NRG3: variants seen among roughly 807,000 people sequenced by gnomAD.
NRG3 encodes the protein pro-neuregulin-3, membrane-bound isoform.
In NRG3, 31 loss-of-function variants were observed where a neutral mutation model predicts 66.9. The ratio of observed to expected loss-of-function variants is 0.46; its 90% CI spans 0.35 to 0.63. NRG3 has a LOEUF of 0.63. Among genes scored for constraint, NRG3 ranks in the 20% least tolerant of loss-of-function variants. The pLI, the probability that NRG3 is intolerant of heterozygous loss-of-function variation, is 0.00. For missense variants in NRG3, 910 were observed against 878.9 expected (o/e 1.04, Z -0.45); for synonymous variants, 393 against 359.4 (o/e 1.09, Z -1.06).
chr10:82,136,191 C>G (rs2069332527), intron 1 of NRG3, among the ~76,000 whole-genome samples: 1 of 152,158 alleles, frequency 6.6e-6, no homozygotes, highest in African/African-American at 2.4e-5. Context: ...CTTACTTTCC[C>G]TCAAACAAAT....
At chr10:82,318,745 A>G (rs919709154) in intron 1 of NRG3, among the ~76,000 whole-genome samples, 2 of 152,222 alleles carry the variant, frequency 1.3e-5, no homozygotes, top group African/African-American at 4.8e-5. Flanking sequence ...ACGGCACAGA[A>G]CATGCTGTAT....
intron 6 of NRG3, among the ~76,000 whole-genome samples, chr10:82,964,227 C>T (rs1850970742): frequency 6.6e-6 from 1 of 152,114 alleles, no homozygotes; most frequent in African/African-American, 2.4e-5. Context: ...CTGATTACTG[C>T]GAGTGATCAA....
intron 3 of NRG3, among the ~76,000 whole-genome samples, chr10:82,757,871 G>C (rs1484847328): frequency 6.6e-6 from 1 of 151,924 alleles, no homozygotes; most frequent in African/African-American, 2.4e-5. Context: ...TCTAGTTCTA[G>C]ATGTATTTAT....
chr10:82,754,538 GAAAA>G (rs5786572), intron 3 of NRG3, among the ~76,000 whole-genome samples: 1 of 118,152 alleles, frequency 8.5e-6, no homozygotes. Flanking sequence ...GGGGGGAAAA[GAAAA>G]AAAAAAAAAG....
intron 4 of NRG3, among the ~76,000 whole-genome samples, chr10:82,934,904 GT>G (rs1056188293): frequency 5.3e-5 from 8 of 152,096 alleles, no homozygotes; most frequent in African/African-American, 1.9e-4. Flanking sequence ...CATACCGTGG[GT>G]TTGTAAAACA....
intron 2 of NRG3, among the ~76,000 whole-genome samples, chr10:82,445,684 T>C (rs1303530687): frequency 6.6e-6 from 1 of 152,194 alleles, no homozygotes; most frequent in Non-Finnish European, 1.5e-5. Flanking sequence ...TTCTATACCC[T>C]AAACATGTGC....
intron 3 of NRG3, among the ~76,000 whole-genome samples, chr10:82,832,601 A>G (rs2062581030): frequency 6.6e-6 from 1 of 152,172 alleles, no homozygotes; most frequent in Non-Finnish European, 1.5e-5. Context: ...GTTTAATAAC[A>G]TTGCATTGTT....
At chr10:82,165,023 G>A (rs1050218939) in intron 1 of NRG3, among the ~76,000 whole-genome samples, 2 of 151,976 alleles carry the variant, frequency 1.3e-5, no homozygotes, top group African/African-American at 4.8e-5. Flanking sequence ...CATGGTATGT[G>A]CATTTATATA....
At chr10:82,806,609 A>G (rs2061294819) in intron 3 of NRG3, among the ~76,000 whole-genome samples, 1 of 152,174 alleles carries the variant, frequency 6.6e-6, no homozygotes, top group African/African-American at 2.4e-5. Context: ...TGATTTGAGG[A>G]TGTTGTTTCA....
chr10:82,590,559 C>T (rs2046923449), intron 2 of NRG3, among the ~76,000 whole-genome samples: 1 of 152,142 alleles, frequency 6.6e-6, no homozygotes, highest in Non-Finnish European at 1.5e-5. Flanking sequence ...AACTGAATCT[C>T]AGTCCCCCTG....
intron 3 of NRG3, among the ~76,000 whole-genome samples, chr10:82,777,897 G>T (rs1239700062): frequency 6.6e-6 from 1 of 152,190 alleles, no homozygotes; most frequent in Non-Finnish European, 1.5e-5. Flanking sequence ...CAATACAAAG[G>T]TATCTTCATT....
rs76632639 is a variant in NRG3 at position 82,208,654 on chromosome 10, A to G, written c.824-150085A>G. On this transcript the variant is annotated intron_variant, in intron 1 of 8. Coordinates refer to ENST00000372141, the MANE Select transcript of NRG3 (RefSeq NM_001010848.4). ...AAGTGTTTAAAACACGTATGAGGGG[A>G]AAAAAAAAAACTACAGGAACGTCAA... Among the ~76,000 whole-genome samples the G allele has an allele frequency of 8.9e-3, 1,293 of 145,498 alleles. 58 individuals are homozygous for G. In the East Asian group the frequency reaches 0.14, roughly 16 times the overall value.
intron 2 of NRG3, among the ~76,000 whole-genome samples, chr10:82,552,058 C>T (rs2044344867): frequency 6.6e-6 from 1 of 152,116 alleles, no homozygotes; most frequent in Non-Finnish European, 1.5e-5. Flanking sequence ...GCCAGGCCTT[C>T]ATGACTTTAG....
intron 2 of NRG3, among the ~76,000 whole-genome samples, chr10:82,631,653 C>T (rs1456890371): frequency 6.6e-6 from 1 of 150,550 alleles, no homozygotes; most frequent in African/African-American, 2.4e-5. Flanking sequence ...ACTGAATTTC[C>T]TTTTTTGATC....
intron 1 of NRG3, among the ~76,000 whole-genome samples, chr10:81,891,501 A>G (rs764973538): frequency 1.3e-5 from 2 of 152,176 alleles, no homozygotes; most frequent in Non-Finnish European, 1.5e-5. Flanking sequence ...TGCAAACTGA[A>G]CAGAAGACCC....
intron 2 of NRG3, among the ~76,000 whole-genome samples, chr10:82,579,570 A>G (rs192410159): frequency 2.6e-5 from 4 of 152,040 alleles, no homozygotes; most frequent in Non-Finnish European, 4.4e-5. Flanking sequence ...GAACACATGT[A>G]TGTGTTAATG....
chr10:82,061,881 A>G (rs1279502482), intron 1 of NRG3, among the ~76,000 whole-genome samples: 1 of 151,718 alleles, frequency 6.6e-6, no homozygotes, highest in African/African-American at 2.4e-5. Context: ...AAACACACAC[A>G]CACACACACA....
intron 2 of NRG3, among the ~76,000 whole-genome samples, chr10:82,708,841 C>G (rs1438854888): frequency 6.6e-6 from 1 of 152,024 alleles, no homozygotes; most frequent in African/African-American, 2.4e-5. Flanking sequence ...ACATTTGATT[C>G]CAGTCTCATT....
At chr10:82,437,466 T>TCTTA (rs2090201073) in intron 2 of NRG3, among the ~76,000 whole-genome samples, 1 of 152,082 alleles carries the variant, frequency 6.6e-6, no homozygotes, top group Admixed American at 6.5e-5. Context: ...TTAGCTTCTT[T>TCTTA]GCATTGTGTT....
Sources: allele counts gnomAD v4.1 joint callset (sites outside exome capture counted in the v4.1 genomes callset), GRCh38; gene constraint gnomAD v4.1.1; transcripts MANE v1.5; gene names NCBI Gene and HGNC (gene_info 2026-07-23, HGNC 2026-07-21).